The following ADAM32 variants were observed in gnomAD, a reference collection of about 807,000 sequenced individuals.
ADAM32 encodes the protein ADAM metallopeptidase domain 32.
ADAM32 carries 89 observed loss-of-function variants against 114.9 expected under a neutral mutation model. The ratio of observed to expected loss-of-function variants is 0.77; its 90% confidence interval spans 0.65 to 0.92. The LOEUF is 0.92. ADAM32 is among the 40% of genes least tolerant of loss of function. ADAM32 has a pLI of 0.00. For synonymous variants in ADAM32, 285 were observed against 307.5 expected (o/e 0.93, Z 0.77); for missense variants, 870 against 932.8 (o/e 0.93, Z 0.88).
At chr8:39,199,505 A>G (rs1368735171) in intron 11 of ADAM32, among the ~76,000 whole-genome samples, 2 of 151,934 alleles carry the variant, frequency 1.3e-5, no homozygotes, top group Admixed American at 6.6e-5. Context: ...TGTATTTTTA[A>G]TTTTATTTAT....
chr8:39,165,705 A>G (rs1804789170), intron 9 of ADAM32: 1 of 152,146 alleles, frequency 6.6e-6, no homozygotes, highest in Non-Finnish European at 1.5e-5. Flanking sequence ...TTTATTAGCA[A>G]TAATTAGCAA....
At chr8:39,177,516 A>G (rs1007108482) in intron 10 of ADAM32, among the ~76,000 whole-genome samples, 3 of 152,166 alleles carry the variant, frequency 2.0e-5, no homozygotes, top group African/African-American at 7.2e-5. Flanking sequence ...TACATTTAAA[A>G]TTAATGTTGT....
chr8:39,207,067 G>A (rs2129448142), intron 11 of ADAM32, among the ~76,000 whole-genome samples: 1 of 152,260 alleles, frequency 6.6e-6, no homozygotes, highest in South Asian at 2.1e-4. Flanking sequence ...TCCACAATAG[G>A]AATGTGGATG....
At chr8:39,172,678 G>A (rs1805272558) in intron 10 of ADAM32, among the ~76,000 whole-genome samples, 1 of 152,240 alleles carries the variant, frequency 6.6e-6, no homozygotes, top group African/African-American at 2.4e-5. Context: ...TGCATACATA[G>A]TATTCCATGG....
chr8:39,219,111 T>G (rs1808778143), intron 12 of ADAM32, among the ~76,000 whole-genome samples: 1 of 152,098 alleles, frequency 6.6e-6, no homozygotes, highest in Non-Finnish European at 1.5e-5. Context: ...CCTATCTTAT[T>G]GTGGCTGATC....
At position 39,238,747 on chromosome 8, in the gene ADAM32, T is replaced by C. The variant is rs532148025; in HGVS notation, c.1818+4665T>C. Among the ~76,000 whole-genome samples the C allele has an allele frequency of 1.5e-4, 23 of 152,058 alleles. No individual in the cohort carries two copies. The South Asian group carries it at 4.4e-3, about 29-fold the overall frequency. On this transcript the variant is annotated intron_variant, in intron 16 of 24. Transcript: ENST00000379907. ...CAGAAATAAAAGAAATCATAACTTATGGAAATAAAAGACTTAGAGAAATGC... is the reference window on the plus strand; with the variant it reads ...CAGAAATAAAAGAAATCATAACTTACGGAAATAAAAGACTTAGAGAAATGC...
chr8:39,221,649 G>A lies in ADAM32; in HGVS notation c.1273G>A (p.Val425Ile), dbSNP rs752829449. Residue 425 changes from valine to isoleucine, a missense_variant, in exon 13 of 25, where the codon GTA (valine) becomes ATA (isoleucine). Physicochemically the swap from Val to Ile is conservative, Grantham distance 29. Coordinates refer to ENST00000379907, the MANE Select transcript of ADAM32 (RefSeq NM_145004.7). ...PASCCDFRTC[V>I]LKDGAKCYKG... ...AAGCTGTTGTGATTTTCGAACTTGT[G>A]TACTGAAAGACGGAGCAAAATGTTA... The A allele has an allele frequency of 3.1e-6, 5 of 1,612,262 alleles. No individual in the cohort carries two copies. In the South Asian group the frequency reaches 3.3e-5, roughly 11 times the overall value.
chr8:39,197,457 C>T (rs7014889), intron 11 of ADAM32, among the ~76,000 whole-genome samples: 37,363 of 151,544 alleles, frequency 0.25, 4,917 homozygotes, highest in Non-Finnish European at 0.29. Flanking sequence ...CATTTATTAT[C>T]ATAAAATTCT....
chr8:39,213,078 G>A (rs532857027), intron 12 of ADAM32, among the ~76,000 whole-genome samples: 53 of 152,180 alleles, frequency 3.5e-4, no homozygotes, highest in African/African-American at 1.2e-3. Context: ...ATACAGTGCA[G>A]TTTGGATATA....
intron 11 of ADAM32, among the ~76,000 whole-genome samples, chr8:39,202,039 T>C (rs997948042): frequency 6.6e-6 from 1 of 152,242 alleles, no homozygotes; most frequent in Non-Finnish European, 1.5e-5. Flanking sequence ...CAGTATTTTA[T>C]TGAGGATTTT....
intron 10 of ADAM32, among the ~76,000 whole-genome samples, chr8:39,182,522 G>A (rs1258747290): frequency 1.3e-5 from 2 of 151,960 alleles, no homozygotes; most frequent in African/African-American, 4.8e-5. Context: ...TCATTTTTAC[G>A]GTGAGAATGC....
At chr8:39,157,846 C>A in intron 6 of ADAM32, 1 of 663,402 alleles carries the variant, frequency 1.5e-6, no homozygotes, top group Non-Finnish European at 2.6e-6. Context: ...ATCAATTTGC[C>A]ATCCTTGATG....
At chr8:39,114,980 C>T (rs1192724807) in intron 1 of ADAM32, among the ~76,000 whole-genome samples, 1 of 152,198 alleles carries the variant, frequency 6.6e-6, no homozygotes, top group African/African-American at 2.4e-5. Flanking sequence ...ATTTGGTTTT[C>T]TGTTCCTGTG....
At chr8:39,153,652 T>A (rs1803978108) in intron 6 of ADAM32, among the ~76,000 whole-genome samples, 1 of 152,196 alleles carries the variant, frequency 6.6e-6, no homozygotes, top group Admixed American at 6.5e-5. Context: ...CCAGATTTTC[T>A]CTGTGGGACT....
intron 14 of ADAM32, among the ~76,000 whole-genome samples, chr8:39,227,786 C>G (rs574019919): frequency 6.6e-6 from 1 of 152,278 alleles, no homozygotes; most frequent in East Asian, 1.9e-4. Flanking sequence ...CTTGGGAGTT[C>G]TAGGGCCCCA....
intron 15 of ADAM32, among the ~76,000 whole-genome samples, chr8:39,233,583 C>T (rs1809892071): frequency 1.3e-5 from 2 of 152,244 alleles, no homozygotes; most frequent in South Asian, 4.2e-4. Context: ...TCTCCTGTCT[C>T]ATCCTGTGAC....
intron 12 of ADAM32, among the ~76,000 whole-genome samples, chr8:39,216,096 A>G (rs1248561715): frequency 6.6e-6 from 1 of 151,992 alleles, no homozygotes; most frequent in Non-Finnish European, 1.5e-5. Context: ...TTGGGTGCAT[A>G]TGTATTTACA....
chr8:39,207,942 A>G (rs1045081659), intron 11 of ADAM32, among the ~76,000 whole-genome samples: 4 of 152,342 alleles, frequency 2.6e-5, no homozygotes, highest in African/African-American at 9.6e-5. Context: ...CCATTTATAT[A>G]TATACCACAT....
intron 20 of ADAM32, among the ~76,000 whole-genome samples, chr8:39,271,529 T>G (rs1443254384): frequency 7.7e-6 from 1 of 130,154 alleles, no homozygotes; most frequent in Admixed American, 7.8e-5. Context: ...TACAGGTAAT[T>G]GAAAAACCTC....
Sources: allele counts gnomAD v4.1 joint callset (sites outside exome capture counted in the v4.1 genomes callset), GRCh38; gene constraint gnomAD v4.1.1; transcripts MANE v1.5; gene names NCBI Gene and HGNC (gene_info 2026-07-23, HGNC 2026-07-21).